The following MINDY2 variants were observed in gnomAD, a reference collection of about 807,000 sequenced individuals.
MINDY2 encodes ubiquitin carboxyl-terminal hydrolase MINDY-2.
A neutral mutation model predicts 68.2 loss-of-function variants in MINDY2; 52 were observed. The observed-to-expected ratio is 0.76, with a 90% CI of 0.61 to 0.96. The LOEUF (loss-of-function observed/expected upper bound fraction) is 0.96, where lower values mean the gene tolerates loss of function less well. Among genes scored for constraint, MINDY2 ranks in the 40% least tolerant of loss-of-function variants. The pLI is 0.00. For synonymous variants in MINDY2, 372 were observed against 303.0 expected (o/e 1.23, Z -2.36); for missense variants, 881 against 773.4 (o/e 1.14, Z -1.65).
chr15:58,813,751 T>C (rs1475067887), intron 4 of MINDY2, among the ~76,000 whole-genome samples: 7 of 151,616 alleles, frequency 4.6e-5, no homozygotes, highest in Non-Finnish European at 8.8e-5. Context: ...TTGTGTATTT[T>C]TTTTTTTAAG....
At chr15:58,795,497 C>T (rs1439448664) in intron 2 of MINDY2, among the ~76,000 whole-genome samples, 4 of 152,242 alleles carry the variant, frequency 2.6e-5, no homozygotes, top group Non-Finnish European at 5.9e-5. Context: ...GCTCCACCTT[C>T]GGGTTCACGC....
At chr15:58,842,930 A>G (rs1460437614) in intron 6 of MINDY2, among the ~76,000 whole-genome samples, 1 of 152,136 alleles carries the variant, frequency 6.6e-6, no homozygotes, top group Non-Finnish European at 1.5e-5. Flanking sequence ...CAAGTCAACA[A>G]CTATGCTTCA....
intron 6 of MINDY2, 59 bp downstream of exon 6, chr15:58,831,975 G>A: frequency 6.8e-7 from 1 of 1,477,100 alleles, no homozygotes; most frequent in Non-Finnish European, 9.1e-7. Context: ...TTGATTTAGA[G>A]TTGTCTTTTG....
chr15:58,831,761 A>T lies in MINDY2; in HGVS notation c.1226-13A>T, dbSNP rs201398191. The T allele has an allele frequency of 6.2e-7, 1 of 1,602,048 alleles. No homozygotes were observed. Among genetic ancestry groups the T allele is most frequent in the Non-Finnish European group, 8.5e-7 (1 of 1,176,140 alleles). On this transcript the variant is annotated splice_polypyrimidine_tract_variant and intron_variant, in intron 5 of 8. Coordinates refer to ENST00000559228, the MANE Select transcript of MINDY2 (RefSeq NM_001040450.3). ...ATTATTCTTCTATCTAATGTTATGC[A>T]TTGGTTCTATAGGCTTTGTAGCTGA...
chr15:58,820,315 G>A (rs1484483087), intron 4 of MINDY2, among the ~76,000 whole-genome samples: 1 of 151,694 alleles, frequency 6.6e-6, no homozygotes, highest in African/African-American at 2.4e-5. Context: ...GTGGTGGCGG[G>A]CGCCTGTAAT....
chr15:58,776,878 G>A (rs1264740586), intron 1 of MINDY2, among the ~76,000 whole-genome samples: 2 of 151,738 alleles, frequency 1.3e-5, no homozygotes, highest in African/African-American at 4.8e-5. Flanking sequence ...ATTATAATAA[G>A]GAAAAAAGAG....
chr15:58,799,198 C>T (rs752723472), intron 2 of MINDY2, among the ~76,000 whole-genome samples: 35 of 152,254 alleles, frequency 2.3e-4, no homozygotes, highest in Non-Finnish European at 4.4e-4. Flanking sequence ...AACAAATGTT[C>T]AATTTTCTAA....
intron 7 of MINDY2, among the ~76,000 whole-genome samples, chr15:58,851,227 G>A (rs1382391772): frequency 2.0e-5 from 3 of 152,102 alleles, no homozygotes; most frequent in Non-Finnish European, 4.4e-5. Flanking sequence ...ACCTGCCTTG[G>A]CCTCCCAAAG....
chr15:58,837,528 C>T (rs1259492772), intron 6 of MINDY2, among the ~76,000 whole-genome samples: 1 of 135,188 alleles, frequency 7.4e-6, no homozygotes, highest in Non-Finnish European at 1.5e-5. Context: ...TACAGTGAGC[C>T]ATGATGGCAC....
chr15:58,824,781 T>G (rs2031289491), intron 5 of MINDY2, among the ~76,000 whole-genome samples: 1 of 138,844 alleles, frequency 7.2e-6, no homozygotes, highest in Non-Finnish European at 1.5e-5. Flanking sequence ...GCAATTCTCC[T>G]GCCTCAGCCT....
intron 2 of MINDY2, among the ~76,000 whole-genome samples, chr15:58,791,599 A>G (rs1460348739): frequency 6.7e-6 from 1 of 149,108 alleles, no homozygotes; most frequent in East Asian, 2.0e-4. Context: ...CCTGGGCAAC[A>G]GGGCAAGACC....
rs1328296137 is a variant in MINDY2 at position 58,856,086 on chromosome 15, A to G, written c.*1476A>G. The G allele has an allele frequency of 6.5e-6, 1 of 152,686 alleles. No individual in the cohort carries two copies. The highest frequency in any genetic ancestry group is 2.4e-5 in the African/African-American group (1 of 41,468). The allele number at this position is 152,686 out of a possible 1,614,324, so 9.5% of individuals were successfully genotyped here. A position where few individuals can be genotyped will look rare whatever the true frequency, so the allele number is the denominator to read the frequency against. ...CACACATATTTTCCTGTGTTTCTATATATAGTTTGGAAAACTATCCTTAAT... is the reference window on the plus strand; with the variant it reads ...CACACATATTTTCCTGTGTTTCTATGTATAGTTTGGAAAACTATCCTTAAT... On this transcript the variant is annotated 3_prime_UTR_variant, in exon 9 of 9. Coordinates refer to ENST00000559228, the MANE Select transcript of MINDY2 (RefSeq NM_001040450.3).
In MINDY2 at chr15:58,851,921, G is replaced by A; in HGVS notation, c.1693G>A (p.Glu565Lys). ...GGCTTCTCAATACTATCAGGAACAG[G>A]AACAAGCAGCAGCTGCTGCTGCTGC... Reference protein sequence around the residue: ...RRASQYYQEQEQAAAAAAAAS... With the variant: ...RRASQYYQEQKQAAAAAAAAS... The change falls in exon 8 of 9, where the codon GAA becomes AAA. Residue 565 changes from glutamate (E) to lysine (K), a missense_variant. Transcript: ENST00000559228. 6.3e-7 allele frequency: 1 copy of A among 1,598,624 alleles called. No homozygotes were observed. Among genetic ancestry groups the A allele is most frequent in the Non-Finnish European group, 8.5e-7 (1 of 1,176,368 alleles).
chr15:58,771,314 A>T lies in MINDY2; in HGVS notation c.-82A>T. On this transcript the variant is annotated 5_prime_UTR_variant, in exon 1 of 9. Coordinates refer to ENST00000559228, the MANE Select transcript of MINDY2 (RefSeq NM_001040450.3). ...GCCGCGCCAGGGCGCTGTTGCTGCC[A>T]ATACAGCTGTCATGGCGTCCAAGGC... The T allele has an allele frequency of 6.5e-7, 1 of 1,529,132 alleles. No homozygotes were observed. Among genetic ancestry groups the T allele is most frequent in the South Asian group, 1.2e-5 (1 of 82,322 alleles). The allele number at this position is 1,529,132 out of a possible 1,614,324, so 94.7% of individuals were successfully genotyped here.
At chr15:58,823,723 A>G (rs618684) in intron 5 of MINDY2, among the ~76,000 whole-genome samples, 75,459 of 151,846 alleles carry the variant, frequency 0.5, 21,579 homozygotes, top group East Asian at 0.84. Context: ...TCATTGATTC[A>G]TCTGACAACT....
At chr15:58,846,092 T>TAAAAAAAAAAAAA (rs34161206) in intron 6 of MINDY2, among the ~76,000 whole-genome samples, 1 of 136,250 alleles carries the variant, frequency 7.3e-6, no homozygotes, top group Non-Finnish European at 1.6e-5. Context: ...TAATGGATGT[T>TAAAAAAAAAAAAA]AAAAAAAAAA....
intron 2 of MINDY2, among the ~76,000 whole-genome samples, chr15:58,789,652 T>C (rs934161156): frequency 9.2e-5 from 14 of 151,782 alleles, no homozygotes; most frequent in African/African-American, 3.4e-4. Flanking sequence ...TGTTTTTGTT[T>C]TTTTTGTTTT....
intron 2 of MINDY2, among the ~76,000 whole-genome samples, chr15:58,801,878 A>G (rs1902687393): frequency 6.6e-6 from 1 of 152,226 alleles, no homozygotes. Flanking sequence ...TCAGCCTCCC[A>G]AAGTGCTGGG....
chr15:58,836,624 T>C (rs1447107872), intron 6 of MINDY2, among the ~76,000 whole-genome samples: 1 of 152,110 alleles, frequency 6.6e-6, no homozygotes, highest in Non-Finnish European at 1.5e-5. Flanking sequence ...TTTTATTTTT[T>C]ATTTTTTTCC....
Sources: gnomAD v4.1 joint callset for allele counts (sites outside exome capture counted in the v4.1 genomes callset) on GRCh38, gnomAD v4.1.1 for gene constraint, MANE v1.5 for transcripts, NCBI Gene and HGNC (gene_info 2026-07-23, HGNC 2026-07-21) for gene names.